Variants in NXPH1 observed in about 807,000 individuals in gnomAD.
NXPH1 encodes neurexophilin 1, also known as neurexophilin-1.
A neutral mutation model predicts 23.7 loss-of-function variants in NXPH1; 5 were observed. That is an observed-to-expected ratio of 0.21 (90% CI 0.11 to 0.44). NXPH1 has a LOEUF of 0.44. Among genes scored for constraint, NXPH1 ranks in the 20% least tolerant of loss-of-function variants. The pLI is 0.99. For missense variants in NXPH1, 324 were observed against 321.6 expected (o/e 1.01, Z -0.06); for synonymous variants, 144 against 122.2 (o/e 1.18, Z -1.18).
At position 8,724,892 on chromosome 7, in the gene NXPH1, A is replaced by G. The variant is rs1250571370; in HGVS notation, c.55-26116A>G. Among the ~76,000 whole-genome samples the G allele has an allele frequency of 2.0e-5, 3 of 152,190 alleles. No homozygotes were observed. The East Asian group carries it at 5.8e-4, about 29-fold the overall frequency. ...TATGAGATTTCACACACCATGCTTT[A>G]AGAACCTGGGAATTGAGGAAAATGG... is the stretch of plus-strand genomic sequence containing the variant. On this transcript the variant is annotated intron_variant, in intron 2 of 2. Coordinates refer to ENST00000405863, the MANE Select transcript of NXPH1 (RefSeq NM_152745.3).
chr7:8,597,070 G>A (rs1167842216), intron 2 of NXPH1, among the ~76,000 whole-genome samples: 3 of 152,012 alleles, frequency 2.0e-5, no homozygotes, highest in Non-Finnish European at 2.9e-5. Context: ...AGTGGGGATG[G>A]TCATTCACAG....
intron 2 of NXPH1, among the ~76,000 whole-genome samples, chr7:8,694,080 G>A (rs1404533994): frequency 6.6e-6 from 1 of 152,136 alleles, no homozygotes; most frequent in Admixed American, 6.5e-5. Flanking sequence ...TGCAATGAAC[G>A]AATCCACTGG....
intron 2 of NXPH1, among the ~76,000 whole-genome samples, chr7:8,676,323 G>A (rs1218820354): frequency 2.6e-5 from 4 of 152,138 alleles, no homozygotes; most frequent in Non-Finnish European, 4.4e-5. Context: ...TGGAATTCTG[G>A]TGCTCTGTAC....
chr7:8,642,157 T>C (rs1266128979), intron 2 of NXPH1, among the ~76,000 whole-genome samples: 2 of 152,216 alleles, frequency 1.3e-5, no homozygotes, highest in African/African-American at 2.4e-5. Context: ...AAAAAGGGTG[T>C]TTTGAAGATC....
intron 2 of NXPH1, among the ~76,000 whole-genome samples, chr7:8,453,092 CAGAA>C (rs1446238055): frequency 2.0e-5 from 3 of 151,816 alleles, no homozygotes; most frequent in Non-Finnish European, 4.4e-5. Context: ...GTCTAAAAGA[CAGAA>C]AGAATTAAGT....
chr7:8,717,079 C>T (rs965127030), intron 2 of NXPH1, among the ~76,000 whole-genome samples: 2 of 152,096 alleles, frequency 1.3e-5, no homozygotes, highest in Admixed American at 6.6e-5. Context: ...GGAAATGTAA[C>T]CATGTCTTCT....
intron 2 of NXPH1, among the ~76,000 whole-genome samples, chr7:8,481,235 A>T (rs963093245): frequency 2.0e-5 from 3 of 152,214 alleles, no homozygotes; most frequent in Admixed American, 1.3e-4. Context: ...AAGAAGCTGC[A>T]TCATGAATAA....
At chr7:8,501,573 C>T (rs756011460) in intron 2 of NXPH1, among the ~76,000 whole-genome samples, 4 of 151,998 alleles carry the variant, frequency 2.6e-5, no homozygotes, top group Non-Finnish European at 5.9e-5. Context: ...AGTCACATTT[C>T]AAATATTAAC....
chr7:8,557,277 A>G, intron 2 of NXPH1, among the ~76,000 whole-genome samples: 1 of 150,988 alleles, frequency 6.6e-6, no homozygotes, highest in East Asian at 2.0e-4. Flanking sequence ...TTAAGTGTTA[A>G]AACAACAACA....
chr7:8,498,738 T>A (rs970258183), intron 2 of NXPH1, among the ~76,000 whole-genome samples: 1 of 152,076 alleles, frequency 6.6e-6, no homozygotes, highest in Non-Finnish European at 1.5e-5. Context: ...TCAGGACCTA[T>A]TATGAGCAAA....
rs1159707506 is a variant in NXPH1, at chr7:8,751,971, T to A, written c.*202T>A. The stretch of plus-strand genomic sequence containing the variant: ...CTTCATCCCTCAGTATAATTGTAAA[T>A]CATCACAGATTTTGAATTCACACCT... On this transcript the variant is annotated 3_prime_UTR_variant, in exon 3 of 3. Coordinates refer to ENST00000405863, the MANE Select transcript of NXPH1 (RefSeq NM_152745.3). The surrounding 1 kb of genome is among the most constrained non-coding windows in gnomAD (Gnocchi z 4.5). 1.8e-6 allele frequency: 1 copy of A among 552,944 alleles called. No homozygotes were observed. The highest frequency in any genetic ancestry group is 1.9e-5 in the African/African-American group (1 of 53,450). The allele number at this position is 552,944 out of a possible 1,614,324, so 34.3% of individuals were successfully genotyped here.
intron 2 of NXPH1, among the ~76,000 whole-genome samples, chr7:8,589,050 G>C (rs944033369): frequency 6.6e-6 from 1 of 152,072 alleles, no homozygotes; most frequent in Admixed American, 6.6e-5. Context: ...GAGGAAAAAG[G>C]ATTCAAAACA....
intron 2 of NXPH1, among the ~76,000 whole-genome samples, chr7:8,439,612 T>C (rs1816257495): frequency 6.6e-6 from 1 of 152,262 alleles, no homozygotes; most frequent in Non-Finnish European, 1.5e-5. Context: ...AAAATAGGCA[T>C]GAATTAAAAA....
chr7:8,657,775 C>A (rs1437761897), intron 2 of NXPH1, among the ~76,000 whole-genome samples: 1 of 152,228 alleles, frequency 6.6e-6, no homozygotes, highest in African/African-American at 2.4e-5. Context: ...CTCCTGTAAT[C>A]CCAGCACTTT....
intron 2 of NXPH1, among the ~76,000 whole-genome samples, chr7:8,640,130 T>C (rs76991984): frequency 0.047 from 7,217 of 152,270 alleles, 376 homozygotes; most frequent in East Asian, 0.17. Flanking sequence ...TTGGTTGTTT[T>C]ACTCCATAGG....
At chr7:8,723,330 G>C (rs965201133) in intron 2 of NXPH1, among the ~76,000 whole-genome samples, 3 of 152,120 alleles carry the variant, frequency 2.0e-5, no homozygotes, top group Non-Finnish European at 4.4e-5. Context: ...TACCACATTA[G>C]GATCAAATTT....
rs1190144697 is a variant in NXPH1, at chr7:8,724,427, G to A, written c.55-26581G>A. ...TCTTCCCCAACGACCTGTTCTCTCA[G>A]TTTGCCTATGATGCCTTCTATCCAC... On this transcript the variant is annotated intron_variant, in intron 2 of 2. Transcript: ENST00000405863. Among the ~76,000 whole-genome samples, 4 of 152,344 alleles carry A rather than the reference G, an allele frequency of 2.6e-5. No homozygotes were observed. The South Asian group carries it at 8.3e-4, about 32-fold the overall frequency.
intron 2 of NXPH1, among the ~76,000 whole-genome samples, chr7:8,492,013 A>G (rs1817255228): frequency 6.6e-6 from 1 of 152,010 alleles, no homozygotes; most frequent in Non-Finnish European, 1.5e-5. Context: ...GACATAATTT[A>G]TGCCACTTAC....
chr7:8,748,384 C>A (rs1398163717), intron 2 of NXPH1, among the ~76,000 whole-genome samples: 3 of 152,194 alleles, frequency 2.0e-5, no homozygotes, highest in African/African-American at 7.2e-5. Context: ...AGATAACCTT[C>A]TGTCAATTTC....
Sources: allele counts gnomAD v4.1 joint callset (sites outside exome capture counted in the v4.1 genomes callset), GRCh38; gene constraint gnomAD v4.1.1; non-coding constraint Gnocchi (gnomAD v3.1); transcripts MANE v1.5; gene names NCBI Gene and HGNC (gene_info 2026-07-23, HGNC 2026-07-21).